The following HCN1 variants were observed in gnomAD, a reference collection of about 807,000 sequenced individuals.
HCN1 encodes the protein hyperpolarization activated cyclic nucleotide gated potassium channel 1.
In HCN1, 13 loss-of-function variants were observed where a neutral mutation model predicts 78.9. That is an observed-to-expected ratio of 0.16 (90% CI 0.11 to 0.26). The LOEUF (loss-of-function observed/expected upper bound fraction) is 0.26, where lower values mean the gene tolerates loss of function less well. Ranked by LOEUF, HCN1 falls within the 10% of genes least tolerant of loss-of-function variation. HCN1 has a pLI of 1.00. For missense variants in HCN1, 810 were observed against 1,154.3 expected (o/e 0.70, Z 4.32); for synonymous variants, 552 against 455.5 (o/e 1.21, Z -2.70).
chr5:45,262,189 G>C lies in HCN1; in HGVS notation c.2405C>G (p.Ser802Cys), dbSNP rs1744759169. Reference protein sequence around the residue: ...SLPHEVSTLISRPHPTVGESL... With the variant: ...SLPHEVSTLICRPHPTVGESL... ...CTCGCCCACAGTGGGATGAGGTCTG[G>C]AAATCAGAGTGGACACCTCATGGGG... The change falls in exon 8 of 8, where the codon TCC becomes TGC. Residue 802 changes from serine (S) to cysteine (C), a missense_variant. By Grantham distance (112) the Ser-to-Cys change is moderately radical. Coordinates refer to ENST00000303230, the MANE Select transcript of HCN1 (RefSeq NM_021072.4). The C allele has an allele frequency of 1.9e-6, 3 of 1,614,042 alleles. No homozygotes were observed. The highest frequency in any genetic ancestry group is 2.5e-6 in the Non-Finnish European group (3 of 1,180,040).
chr5:45,301,722 T>TAAA (rs34604835), intron 6 of HCN1, among the ~76,000 whole-genome samples: 2 of 130,258 alleles, frequency 1.5e-5, no homozygotes, highest in African/African-American at 2.8e-5. Context: ...CCCTGTCATT[T>TAAA]AAAAAAAAAA....
intron 5 of HCN1, among the ~76,000 whole-genome samples, chr5:45,318,249 T>C (rs1042534656): frequency 6.6e-6 from 1 of 152,004 alleles, no homozygotes; most frequent in Non-Finnish European, 1.5e-5. Flanking sequence ...AAAAGATGAA[T>C]TCATGTCCTT....
chr5:45,694,023 T>C (rs1466988791), intron 1 of HCN1, among the ~76,000 whole-genome samples: 1 of 152,180 alleles, frequency 6.6e-6, no homozygotes, highest in East Asian at 1.9e-4. Flanking sequence ...GAAAAGATAA[T>C]ATTCTATACT....
In HCN1 at chr5:45,309,698, C is replaced by A. The variant is rs916261066; in HGVS notation, c.1378-5859G>T. Among the ~76,000 whole-genome samples, 8 of 152,304 alleles carry A rather than the reference C, an allele frequency of 5.3e-5. 1 individual carries two copies. In the Middle Eastern group the frequency reaches 0.027, roughly 518 times the overall value. On this transcript the variant is annotated intron_variant, in intron 5 of 7. Coordinates refer to ENST00000303230, the MANE Select transcript of HCN1 (RefSeq NM_021072.4). The stretch of plus-strand genomic sequence containing the variant: ...ATTTGTGTATGTTGAACCGACCTTA[C>A]ATCCAGGGGATGAAGCCTACTTGAG...
At chr5:45,515,930 G>GA (rs1426585543) in intron 2 of HCN1, among the ~76,000 whole-genome samples, 1 of 151,728 alleles carries the variant, frequency 6.6e-6, no homozygotes, top group Non-Finnish European at 1.5e-5. Context: ...TTCTTTTCAG[G>GA]AAAAAATACA....
intron 2 of HCN1, among the ~76,000 whole-genome samples, chr5:45,612,240 C>A (rs1744852672): frequency 6.6e-6 from 1 of 152,120 alleles, no homozygotes; most frequent in South Asian, 2.1e-4. Flanking sequence ...AGTCCTAATT[C>A]CTCCAGAAAA....
At chr5:45,539,495 T>C (rs1432206305) in intron 2 of HCN1, among the ~76,000 whole-genome samples, 1 of 150,692 alleles carries the variant, frequency 6.6e-6, no homozygotes, top group East Asian at 1.9e-4. Flanking sequence ...ACCCCGTCTC[T>C]ACTACAAAAA....
chr5:45,668,705 G>A (rs1043438051), intron 1 of HCN1, among the ~76,000 whole-genome samples: 1 of 151,824 alleles, frequency 6.6e-6, no homozygotes, highest in Non-Finnish European at 1.5e-5. Flanking sequence ...GACCTTTATG[G>A]ATGTTAGGAG....
chr5:45,383,863 T>TA (rs1747863862), intron 4 of HCN1, among the ~76,000 whole-genome samples: 4 of 152,158 alleles, frequency 2.6e-5, no homozygotes, highest in African/African-American at 9.7e-5. Context: ...TCACAGATTC[T>TA]CTTGCCTTGT....
intron 4 of HCN1, among the ~76,000 whole-genome samples, chr5:45,374,287 A>G (rs1412665355): frequency 2.8e-5 from 3 of 106,634 alleles, no homozygotes; most frequent in Non-Finnish European, 5.0e-5. Context: ...TACATTATAT[A>G]CATTATATAT....
chr5:45,259,774 T>A lies in HCN1; in HGVS notation c.*2147A>T, dbSNP rs903488849. 3.9e-5 allele frequency: 6 copies of A among 152,438 alleles called. No individual in the cohort carries two copies. The highest frequency in any genetic ancestry group is 5.9e-5 in the Non-Finnish European group (4 of 67,978). The allele number at this position is 152,438 out of a possible 1,614,324, so 9.4% of individuals were successfully genotyped here. On this transcript the variant is annotated 3_prime_UTR_variant, in exon 8 of 8. Transcript: ENST00000303230. ...AATATTTCACTACCAAATCCATTAA[T>A]CCTATCAAATGTAAACCTTTAATAA...
intron 2 of HCN1, chr5:45,644,971 G>C (rs111670797): frequency 1.9e-6 from 1 of 539,710 alleles, no homozygotes. Flanking sequence ...GGCATAAAAC[G>C]ATCACTATTT....
At chr5:45,276,906 G>T (rs1420485891) in intron 6 of HCN1, among the ~76,000 whole-genome samples, 1 of 152,012 alleles carries the variant, frequency 6.6e-6, no homozygotes, top group Non-Finnish European at 1.5e-5. Flanking sequence ...GGGGAGAGGA[G>T]ACATTAGAAT....
intron 6 of HCN1, among the ~76,000 whole-genome samples, chr5:45,276,014 C>T (rs1398416655): frequency 6.6e-6 from 1 of 151,956 alleles, no homozygotes; most frequent in Non-Finnish European, 1.5e-5. Context: ...TAGGTACCTC[C>T]AATGTGTTTT....
intron 2 of HCN1, among the ~76,000 whole-genome samples, chr5:45,547,638 T>G (rs1240129696): frequency 6.6e-6 from 1 of 151,940 alleles, no homozygotes; most frequent in Non-Finnish European, 1.5e-5. Flanking sequence ...TATTAAAATG[T>G]ATCTCATTTG....
intron 2 of HCN1, among the ~76,000 whole-genome samples, chr5:45,477,126 T>C (rs1460372199): frequency 6.6e-6 from 1 of 152,102 alleles, no homozygotes; most frequent in African/African-American, 2.4e-5. Flanking sequence ...CTTTGTATTA[T>C]ACCATGATTT....
At chr5:45,449,801 T>C (rs1375091353) in intron 3 of HCN1, among the ~76,000 whole-genome samples, 2 of 152,130 alleles carry the variant, frequency 1.3e-5, no homozygotes, top group South Asian at 2.1e-4. Flanking sequence ...GCCATACCTA[T>C]GCATAAGAAT....
intron 2 of HCN1, among the ~76,000 whole-genome samples, chr5:45,534,801 T>C (rs976223510): frequency 6.6e-6 from 1 of 152,126 alleles, no homozygotes; most frequent in Admixed American, 6.6e-5. Flanking sequence ...ATAGCCAAGG[T>C]GAATTAATTA....
chr5:45,365,481 A>T (rs1561125143), intron 4 of HCN1, among the ~76,000 whole-genome samples: 1 of 152,024 alleles, frequency 6.6e-6, no homozygotes, highest in African/African-American at 2.4e-5. Context: ...TTCACTTAGA[A>T]TAATGGCCTC....
Sources: allele counts gnomAD v4.1 joint callset (sites outside exome capture counted in the v4.1 genomes callset), GRCh38; gene constraint gnomAD v4.1.1; transcripts MANE v1.5; gene names NCBI Gene and HGNC (gene_info 2026-07-23, HGNC 2026-07-21).